The following BTBD7 variants were observed in gnomAD, a reference collection of about 807,000 sequenced individuals.
BTBD7 encodes BTB/POZ domain-containing protein 7.
Under a neutral mutation model 99.9 loss-of-function variants are expected in BTBD7, and 38 were observed. That is an observed-to-expected ratio of 0.38 (90% CI 0.29 to 0.50). The LOEUF (loss-of-function observed/expected upper bound fraction) is 0.50. Ranked by LOEUF, BTBD7 falls within the 20% of genes least tolerant of loss-of-function variation. The pLI is 0.93. For missense variants in BTBD7, 1,170 were observed against 1,394.6 expected (o/e 0.84, Z 2.57); for synonymous variants, 520 against 511.4 (o/e 1.02, Z -0.23).
intron 3 of BTBD7, among the ~76,000 whole-genome samples, chr14:93,275,702 A>T (rs1036479169): frequency 3.9e-5 from 6 of 152,192 alleles, no homozygotes; most frequent in African/African-American, 7.2e-5. Context: ...ATGAATCTGT[A>T]CAGTGTGTCA....
At chr14:93,265,532 G>T (rs1439601366) in intron 3 of BTBD7, among the ~76,000 whole-genome samples, 1 of 152,246 alleles carries the variant, frequency 6.6e-6, no homozygotes, top group Admixed American at 6.5e-5. Flanking sequence ...GAAGAGACAG[G>T]GGATGGGATG....
At chr14:93,289,258 A>G (rs903420266) in intron 3 of BTBD7, among the ~76,000 whole-genome samples, 3 of 152,220 alleles carry the variant, frequency 2.0e-5, no homozygotes, top group African/African-American at 7.2e-5. Flanking sequence ...TTGGCTCACT[A>G]TATGCAGAAG....
At chr14:93,323,730 C>T (rs2053295703) in intron 1 of BTBD7, among the ~76,000 whole-genome samples, 1 of 152,108 alleles carries the variant, frequency 6.6e-6, no homozygotes, top group South Asian at 2.1e-4. Flanking sequence ...TAATGAGGGG[C>T]AAGCAAAAAA....
intron 3 of BTBD7, among the ~76,000 whole-genome samples, chr14:93,272,169 G>A (rs914886609): frequency 2.0e-5 from 3 of 151,932 alleles, no homozygotes; most frequent in African/African-American, 7.3e-5. Context: ...ATCTACTCGG[G>A]ACCTCAGGAG....
At chr14:93,261,829 G>T in intron 4 of BTBD7, 152 bp from the exon 5 acceptor site, 1 of 619,248 alleles carries the variant, frequency 1.6e-6, no homozygotes, top group South Asian at 2.1e-5. Context: ...TTAAATCTGT[G>T]GTCCATCAAC....
chr14:93,251,826 C>T (rs561731960), intron 7 of BTBD7, among the ~76,000 whole-genome samples, 174 bp from the exon 8 acceptor site: 35 of 152,268 alleles, frequency 2.3e-4, no homozygotes, highest in Admixed American at 9.8e-4. Context: ...TTTAAAGACT[C>T]TTTTAGGAGC....
intron 1 of BTBD7, among the ~76,000 whole-genome samples, chr14:93,303,239 C>T (rs537368269): frequency 6.6e-6 from 1 of 152,114 alleles, no homozygotes; most frequent in Admixed American, 6.5e-5. Flanking sequence ...TAATAAGGTC[C>T]TGGCTTTATT....
chr14:93,278,893 A>C (rs561010109), intron 3 of BTBD7, among the ~76,000 whole-genome samples: 1 of 152,324 alleles, frequency 6.6e-6, no homozygotes, highest in Admixed American at 6.5e-5. Flanking sequence ...AATGGAGGAA[A>C]AACCTACCAC....
intron 1 of BTBD7, among the ~76,000 whole-genome samples, chr14:93,310,998 A>C (rs1269013107): frequency 6.6e-6 from 1 of 152,142 alleles, no homozygotes; most frequent in East Asian, 1.9e-4. Flanking sequence ...AAACTCATCA[A>C]CTATTCAGTT....
intron 9 of BTBD7, 98 bp downstream of exon 9, chr14:93,248,378 G>A (rs946901945): frequency 6.9e-6 from 9 of 1,310,356 alleles, no homozygotes; most frequent in African/African-American, 5.9e-5. Context: ...CACATACGAC[G>A]AAAAGGAAAT....
chr14:93,277,938 C>G (rs1214888280), intron 3 of BTBD7, among the ~76,000 whole-genome samples: 1 of 152,208 alleles, frequency 6.6e-6, no homozygotes, highest in Non-Finnish European at 1.5e-5. Flanking sequence ...TCCTACTCAG[C>G]AGGTGAAAAA....
At chr14:93,256,953 A>G in intron 6 of BTBD7, 2 of 465,222 alleles carry the variant, frequency 4.3e-6, no homozygotes, top group Non-Finnish European at 7.6e-6. Flanking sequence ...TCTGCTAGAA[A>G]TAATGCTCTT....
chr14:93,295,848 T>C (rs541341706), intron 2 of BTBD7, 122 bp downstream of exon 2: 2 of 892,642 alleles, frequency 2.2e-6, no homozygotes, highest in African/African-American at 1.7e-5. Context: ...GGAAAAAACC[T>C]AGATGCTGCA....
rs1286360349 is a variant in BTBD7, at chr14:93,240,663, C to G, written c.*1610G>C. The stretch of plus-strand genomic sequence containing the variant: ...GTGTGTTTATGTGTTTGTAAAAATA[C>G]AAAGTAAATGCTCAAATAATGTTGA... On this transcript the variant is annotated 3_prime_UTR_variant, in exon 11 of 11. Transcript: ENST00000334746. 1 of 152,458 alleles carries G rather than the reference C, an allele frequency of 6.6e-6. No individual in the cohort carries two copies. The highest frequency in any genetic ancestry group is 2.4e-5 in the African/African-American group (1 of 41,386). The allele number at this position is 152,458 out of a possible 1,614,324, so 9.4% of individuals were successfully genotyped here.
At chr14:93,266,251 T>A (rs893131655) in intron 3 of BTBD7, among the ~76,000 whole-genome samples, 2 of 152,070 alleles carry the variant, frequency 1.3e-5, no homozygotes, top group African/African-American at 4.8e-5. Context: ...GTACGAGCAT[T>A]GAGCCGTAAT....
chr14:93,239,510 TAA>T lies in BTBD7; in HGVS notation c.*2761_*2762del, dbSNP rs566785770. Reference sequence around the variant, plus strand: ...CTTCACATTTATCTTAGTACAGCATTAAAAAAGATTTAATAGATGGGTTCAAA... The same window carrying T: ...CTTCACATTTATCTTAGTACAGCATTAAAAGATTTAATAGATGGGTTCAAA... On this transcript the variant is annotated 3_prime_UTR_variant, in exon 11 of 11. Transcript: ENST00000334746. The T allele has an allele frequency of 2.6e-3, 398 of 152,310 alleles. 1 individual carries two copies. Among genetic ancestry groups the T allele is most frequent in the African/African-American group, 9.3e-3 (383 of 41,394 alleles). The allele number at this position is 152,310 out of a possible 1,614,324, so 9.4% of individuals were successfully genotyped here.
intron 3 of BTBD7, among the ~76,000 whole-genome samples, chr14:93,274,088 T>C (rs1399916191): frequency 6.6e-6 from 1 of 152,232 alleles, no homozygotes; most frequent in African/African-American, 2.4e-5. Flanking sequence ...GGGATGAAGG[T>C]CTGGCTCACA....
chr14:93,271,405 G>C (rs1431983703), intron 3 of BTBD7, among the ~76,000 whole-genome samples: 1 of 152,198 alleles, frequency 6.6e-6, no homozygotes, highest in Non-Finnish European at 1.5e-5. Flanking sequence ...AAAAGGAACA[G>C]GGAGATTACA....
chr14:93,259,612 G>A (rs886423766), intron 5 of BTBD7, among the ~76,000 whole-genome samples: 5 of 152,148 alleles, frequency 3.3e-5, no homozygotes, highest in African/African-American at 1.2e-4. Context: ...TAAAAGCTAC[G>A]AATGAGAACT....
Sources: gnomAD v4.1 joint callset for allele counts (sites outside exome capture counted in the v4.1 genomes callset) on GRCh38, gnomAD v4.1.1 for gene constraint, MANE v1.5 for transcripts, NCBI Gene and HGNC (gene_info 2026-07-23, HGNC 2026-07-21) for gene names.